The following SLC6A5 variants were observed in gnomAD, a reference collection of about 807,000 sequenced individuals.
SLC6A5 encodes the protein sodium- and chloride-dependent glycine transporter 2.
SLC6A5 carries 58 observed loss-of-function variants against 90.5 expected under a neutral mutation model. The observed-to-expected ratio is 0.64, with a 90% CI of 0.52 to 0.80. The LOEUF (loss-of-function observed/expected upper bound fraction) is 0.80, where lower values mean the gene tolerates loss of function less well. Among genes scored for constraint, SLC6A5 ranks in the 30% least tolerant of loss-of-function variants. The pLI, the probability that SLC6A5 is intolerant of heterozygous loss-of-function variation, is 0.00. For synonymous variants in SLC6A5, 427 were observed against 401.4 expected (o/e 1.06, Z -0.76); for missense variants, 1,015 against 1,017.6 (o/e 1.00, Z 0.03).
At chr11:20,623,495 G>C (rs2133794403) in intron 7 of SLC6A5, among the ~76,000 whole-genome samples, 2 of 152,236 alleles carry the variant, frequency 1.3e-5, no homozygotes, top group African/African-American at 4.8e-5. Context: ...TCCTTTGCCT[G>C]CTGGCTGCTG....
Position 20,652,449 on chromosome 11 carries a change from T to A in SLC6A5, c.2231T>A (p.Phe744Tyr). ...AAAATGCATCTGGCCCCTGGAAGAT[T>A]TATTGAGGTAATTCTGTCTACTTCT... ...VIKMHLAPGR[F>Y]IERLKLVCSP... is the part of the protein sequence containing the mutation. Residue 744 changes from phenylalanine to tyrosine, a missense_variant, in exon 15 of 16, where the codon TTT becomes TAT. Physicochemically the swap from Phe to Tyr is conservative, Grantham distance 22. Coordinates refer to ENST00000525748, the MANE Select transcript of SLC6A5 (RefSeq NM_004211.5). The A allele has an allele frequency of 6.2e-7, 1 of 1,613,798 alleles. No individual in the cohort carries two copies. The highest frequency in any genetic ancestry group is 8.5e-7 in the Non-Finnish European group (1 of 1,179,684).
chr11:20,628,784 G>GT (rs781397761), intron 9 of SLC6A5, among the ~76,000 whole-genome samples: 37 of 152,216 alleles, frequency 2.4e-4, no homozygotes, highest in Non-Finnish European at 5.1e-4. Context: ...AAATGAGGCT[G>GT]TGGTGTGGCA....
At chr11:20,651,585 T>A (rs1853533144) in intron 14 of SLC6A5, among the ~76,000 whole-genome samples, 1 of 151,400 alleles carries the variant, frequency 6.6e-6, no homozygotes. Context: ...GGTTTCTTTC[T>A]TATAGCAAAA....
chr11:20,623,544 A>AT (rs930034255), intron 7 of SLC6A5, among the ~76,000 whole-genome samples: 1 of 152,156 alleles, frequency 6.6e-6, no homozygotes, highest in African/African-American at 2.4e-5. Context: ...TTCTTGCTAC[A>AT]TAGCAACTGG....
chr11:20,610,343 G>C (rs1852670518), intron 5 of SLC6A5, among the ~76,000 whole-genome samples: 1 of 152,224 alleles, frequency 6.6e-6, no homozygotes, highest in Non-Finnish European at 1.5e-5. Flanking sequence ...GGGCTGCGGA[G>C]CGAGCGAGCG....
In SLC6A5 at chr11:20,605,335, G is replaced by C. The variant is rs188049445; in HGVS notation, c.679+911G>C. ...GTTTTTGTCTCTTGGGTCCGCTTCA[G>C]GCGGAATTTGTTGCAGCAGAACGGA... On this transcript the variant is annotated intron_variant, in intron 3 of 15. Coordinates refer to ENST00000525748, the MANE Select transcript of SLC6A5 (RefSeq NM_004211.5). Among the ~76,000 whole-genome samples the C allele has an allele frequency of 3.6e-4, 55 of 152,342 alleles. No homozygotes were observed. The East Asian group carries it at 9.7e-3, about 27-fold the overall frequency.
intron 1 of SLC6A5, 143 bp from the exon 2 acceptor site, chr11:20,600,986 T>G: frequency 1.3e-6 from 1 of 781,580 alleles, no homozygotes; most frequent in South Asian, 1.9e-5. Flanking sequence ...TTGCAGCCTT[T>G]CTTTTAAAAA....
intron 6 of SLC6A5, among the ~76,000 whole-genome samples, chr11:20,617,529 C>G (rs1004303035): frequency 5.3e-5 from 8 of 152,204 alleles, no homozygotes; most frequent in Non-Finnish European, 1.0e-4. Context: ...ATCAAGAGCA[C>G]AGTAAATCCA....
rs1852813438 is a variant in SLC6A5 at position 20,617,900 on chromosome 11, T to C, written c.1260+16T>C. ...TTCAGGAAAAGTAAGCACTTGGATT[T>C]ATCTAAGAGAAAGCTGTGAGACACC... On this transcript the variant is annotated intron_variant, in intron 7 of 15. Coordinates refer to ENST00000525748, the MANE Select transcript of SLC6A5 (RefSeq NM_004211.5). 2 of 1,608,708 alleles carry C rather than the reference T, an allele frequency of 1.2e-6. No individual in the cohort carries two copies. Among genetic ancestry groups the C allele is most frequent in the Admixed American group, 1.7e-5 (1 of 59,682 alleles).
chr11:20,635,401 G>GC (rs34348153), intron 10 of SLC6A5, among the ~76,000 whole-genome samples: 40,089 of 151,674 alleles, frequency 0.26, 5,487 homozygotes, highest in Middle Eastern at 0.34. Flanking sequence ...TTCATGCGCC[G>GC]CCCCCCCGCA....
chr11:20,650,489 T>G (rs2133822877), intron 14 of SLC6A5, among the ~76,000 whole-genome samples: 1 of 152,038 alleles, frequency 6.6e-6, no homozygotes, highest in Middle Eastern at 3.4e-3. Flanking sequence ...AATACCAAAC[T>G]ATCATTTCCA....
intron 13 of SLC6A5, among the ~76,000 whole-genome samples, chr11:20,643,460 C>T (rs1457949041): frequency 6.6e-6 from 1 of 152,154 alleles, no homozygotes; most frequent in Non-Finnish European, 1.5e-5. Flanking sequence ...CCTGTAGACC[C>T]AAGAAAGCAA....
intron 7 of SLC6A5, among the ~76,000 whole-genome samples, chr11:20,622,372 A>C (rs2133793227): frequency 6.6e-6 from 1 of 152,314 alleles, no homozygotes; most frequent in African/African-American, 2.4e-5. Flanking sequence ...CAGGTTCCTG[A>C]AGTGCAGGGC....
At chr11:20,636,530 G>A (rs1216149174) in intron 11 of SLC6A5, 111 bp downstream of exon 11, 4 of 743,108 alleles carry the variant, frequency 5.4e-6, no homozygotes, top group African/African-American at 1.7e-5. Flanking sequence ...GTGTCTGAAT[G>A]TTTCTCCCGA....
chr11:20,635,740 T>A (rs999111977), intron 10 of SLC6A5, among the ~76,000 whole-genome samples: 1 of 152,156 alleles, frequency 6.6e-6, no homozygotes, highest in Non-Finnish European at 1.5e-5. Context: ...TCAGCACTAT[T>A]GACATTTGAG....
intron 10 of SLC6A5, among the ~76,000 whole-genome samples, chr11:20,632,836 G>T (rs747567890): frequency 6.6e-6 from 1 of 152,070 alleles, no homozygotes; most frequent in Non-Finnish European, 1.5e-5. Context: ...ACCCAACTTT[G>T]GTAACTAAGT....
intron 7 of SLC6A5, among the ~76,000 whole-genome samples, chr11:20,623,849 C>G (rs1353426439): frequency 6.6e-6 from 1 of 152,090 alleles, no homozygotes; most frequent in African/African-American, 2.4e-5. Flanking sequence ...ACCAACTTCT[C>G]CCTGAAGCCT....
intron 5 of SLC6A5, 31 bp from the exon 6 acceptor site, chr11:20,614,648 C>G: frequency 3.1e-6 from 5 of 1,603,452 alleles, no homozygotes; most frequent in Non-Finnish European, 4.3e-6. Flanking sequence ...ACAGATTTAA[C>G]TGTGTTTCTA....
At chr11:20,612,327 G>T (rs1327121809) in intron 5 of SLC6A5, among the ~76,000 whole-genome samples, 1 of 152,116 alleles carries the variant, frequency 6.6e-6, no homozygotes, top group Non-Finnish European at 1.5e-5. Flanking sequence ...TTTTTAATTT[G>T]TGATCTCTCT....
Sources: gnomAD v4.1 joint callset for allele counts (sites outside exome capture counted in the v4.1 genomes callset) on GRCh38, gnomAD v4.1.1 for gene constraint, MANE v1.5 for transcripts, NCBI Gene and HGNC (gene_info 2026-07-23, HGNC 2026-07-21) for gene names.